NALCN: variants seen among roughly 807,000 people sequenced by gnomAD.
NALCN encodes sodium leak channel NALCN.
Under a neutral mutation model 225.3 loss-of-function variants are expected in NALCN, and 111 were observed. The ratio of observed to expected loss-of-function variants is 0.49; its 90% CI spans 0.42 to 0.58. The LOEUF (loss-of-function observed/expected upper bound fraction) is 0.58, where lower values mean the gene tolerates loss of function less well. Ranked by LOEUF, NALCN falls within the 20% of genes least tolerant of loss-of-function variation. NALCN has a pLI of 0.00. For missense variants in NALCN, 1,378 were observed against 2,202.4 expected, an observed-to-expected ratio of 0.63 and a Z score of 7.49; for synonymous variants, 764 against 769.0, an observed-to-expected ratio of 0.99 and a Z score of 0.11.
chr13:101,352,714 C>T (rs1229298392), intron 6 of NALCN, among the ~76,000 whole-genome samples: 1 of 152,192 alleles, frequency 6.6e-6, no homozygotes, highest in East Asian at 1.9e-4. Context: ...CAAAAAAGGT[C>T]AAAAGATACT....
At chr13:101,354,683 A>T (rs1040643712) in intron 6 of NALCN, among the ~76,000 whole-genome samples, 1 of 152,206 alleles carries the variant, frequency 6.6e-6, no homozygotes, top group Admixed American at 6.5e-5. Flanking sequence ...AATTTATGAA[A>T]CTGTATTATA....
chr13:101,172,672 G>A (rs1339597523), intron 15 of NALCN, among the ~76,000 whole-genome samples: 2 of 152,164 alleles, frequency 1.3e-5, no homozygotes, highest in African/African-American at 2.4e-5. Context: ...CCATTCTCCT[G>A]CCTCAGCCTC....
intron 7 of NALCN, among the ~76,000 whole-genome samples, chr13:101,312,521 C>A (rs1275747057): frequency 2.0e-5 from 3 of 151,938 alleles, no homozygotes; most frequent in African/African-American, 4.8e-5. Flanking sequence ...TCCCTCTACA[C>A]ACTGCTTTGA....
intron 2 of NALCN, among the ~76,000 whole-genome samples, chr13:101,397,163 A>T (rs1385324065): frequency 7.5e-5 from 11 of 146,206 alleles, no homozygotes; most frequent in Admixed American, 5.5e-4. Context: ...TGTTATATGT[A>T]TGTATATATT....
chr13:101,352,331 T>C (rs1204507444), intron 6 of NALCN, among the ~76,000 whole-genome samples: 1 of 152,084 alleles, frequency 6.6e-6, no homozygotes, highest in Non-Finnish European at 1.5e-5. Flanking sequence ...AACCTTGCAA[T>C]AGGGTGTTGC....
intron 3 of NALCN, among the ~76,000 whole-genome samples, chr13:101,392,250 G>A (rs1327240185): frequency 6.6e-6 from 1 of 151,752 alleles, no homozygotes; most frequent in African/African-American, 2.4e-5. Flanking sequence ...ACAAAGATTA[G>A]ACCAAATTTA....
intron 15 of NALCN, among the ~76,000 whole-genome samples, chr13:101,167,234 C>A (rs2038482504): frequency 6.6e-6 from 1 of 152,120 alleles, no homozygotes; most frequent in Non-Finnish European, 1.5e-5. Context: ...GATTTCTTTT[C>A]TATATCTGCA....
At chr13:101,315,758 C>T (rs977982477) in intron 7 of NALCN, among the ~76,000 whole-genome samples, 1 of 152,070 alleles carries the variant, frequency 6.6e-6, no homozygotes, top group Non-Finnish European at 1.5e-5. Flanking sequence ...ATAGTAAACA[C>T]AAACACTAGA....
chr13:101,362,445 A>G (rs1324333552), intron 6 of NALCN, among the ~76,000 whole-genome samples: 2 of 152,166 alleles, frequency 1.3e-5, no homozygotes, highest in African/African-American at 4.8e-5. Context: ...ACATATGGAA[A>G]TCAATAAACA....
At chr13:101,185,159 G>A (rs550511148) in intron 14 of NALCN, among the ~76,000 whole-genome samples, 1 of 152,320 alleles carries the variant, frequency 6.6e-6, no homozygotes, top group East Asian at 1.9e-4. Context: ...TCAACAAAAA[G>A]TCAAATGTAA....
At position 101,243,691 on chromosome 13, in the gene NALCN, G is replaced by A. The variant is rs146948535; in HGVS notation, c.1267-5769C>T. Among the ~76,000 whole-genome samples, 6 of 104,972 alleles carry A rather than the reference G, an allele frequency of 5.7e-5. 2 individuals carry two copies. In the East Asian group the frequency reaches 1.2e-3, roughly 21 times the overall value. The allele number at this position is 104,972 out of a possible 152,430, so 68.9% of individuals were successfully genotyped here. On this transcript the variant is annotated intron_variant, in intron 11 of 43. Coordinates refer to ENST00000251127, the MANE Select transcript of NALCN (RefSeq NM_052867.4). ...CTGAACATCTGAAGAAGGCTTTTTG[G>A]TGACAGGATTTCCCAGAAATGAGTG... is the stretch of plus-strand genomic sequence containing the variant.
chr13:101,264,566 T>A (rs1388027749), intron 10 of NALCN, among the ~76,000 whole-genome samples: 1 of 152,156 alleles, frequency 6.6e-6, no homozygotes, highest in Non-Finnish European at 1.5e-5. Flanking sequence ...CCAGGCCTAC[T>A]GAATCAGAAT....
chr13:101,056,316 A>G (rs1436199554), intron 43 of NALCN, among the ~76,000 whole-genome samples: 1 of 127,360 alleles, frequency 7.9e-6, no homozygotes, highest in Non-Finnish European at 1.6e-5. Context: ...ACAGGAGTGC[A>G]GCGGCACAAT....
intron 15 of NALCN, among the ~76,000 whole-genome samples, chr13:101,171,410 T>C (rs1305675731): frequency 1.3e-5 from 2 of 151,020 alleles, no homozygotes; most frequent in Non-Finnish European, 2.9e-5. Context: ...ATATTACATA[T>C]ATGTAATAAT....
intron 10 of NALCN, among the ~76,000 whole-genome samples, chr13:101,275,258 G>C (rs1295822769): frequency 2.6e-5 from 4 of 152,156 alleles, no homozygotes; most frequent in Non-Finnish European, 5.9e-5. Flanking sequence ...TATGCAAGGA[G>C]AGAAACAAAC....
chr13:101,060,786 A>G (rs1481958872), intron 41 of NALCN, among the ~76,000 whole-genome samples: 1 of 152,184 alleles, frequency 6.6e-6, no homozygotes, highest in Non-Finnish European at 1.5e-5. Context: ...CCAGGAGACC[A>G]ATCTGTCTCG....
intron 6 of NALCN, among the ~76,000 whole-genome samples, chr13:101,360,022 G>T (rs897876435): frequency 6.6e-6 from 1 of 151,860 alleles, no homozygotes; most frequent in Non-Finnish European, 1.5e-5. Flanking sequence ...TGTAATAAAA[G>T]AAATAAGATA....
At chr13:101,216,610 A>G (rs1223820604) in intron 13 of NALCN, among the ~76,000 whole-genome samples, 1 of 152,156 alleles carries the variant, frequency 6.6e-6, no homozygotes, top group African/African-American at 2.4e-5. Context: ...TAATTGAACT[A>G]ATAGTTTTAA....
chr13:101,390,997 C>G (rs2047127824), intron 3 of NALCN, among the ~76,000 whole-genome samples: 1 of 151,872 alleles, frequency 6.6e-6, no homozygotes, highest in African/African-American at 2.4e-5. Context: ...CAACATGGCA[C>G]ATGTATACAT....
Sources: gnomAD v4.1 joint callset for allele counts (sites outside exome capture counted in the v4.1 genomes callset) on GRCh38, gnomAD v4.1.1 for gene constraint, MANE v1.5 for transcripts, NCBI Gene and HGNC (gene_info 2026-07-23, HGNC 2026-07-21) for gene names.